The following PTPRM variants were observed in gnomAD, a reference collection of about 807,000 sequenced individuals.
PTPRM encodes the protein receptor-type tyrosine-protein phosphatase mu.
In PTPRM, 47 loss-of-function variants were observed where a neutral mutation model predicts 186.7. The observed-to-expected ratio is 0.25, with a 90% CI of 0.20 to 0.32. The LOEUF is 0.32. Ranked by LOEUF, PTPRM falls within the 10% of genes least tolerant of loss-of-function variation. PTPRM has a pLI of 1.00. For missense variants in PTPRM, 1,494 were observed against 1,865.0 expected (o/e 0.80, Z 3.66); for synonymous variants, 668 against 674.9 (o/e 0.99, Z 0.16).
intron 2 of PTPRM, among the ~76,000 whole-genome samples, chr18:7,828,731 C>G (rs1057456712): frequency 6.6e-6 from 1 of 152,180 alleles, no homozygotes; most frequent in Non-Finnish European, 1.5e-5. Context: ...AATGCAGAAG[C>G]AGTGTACTAG....
chr18:7,825,675 G>C (rs546663088), intron 2 of PTPRM, among the ~76,000 whole-genome samples: 6 of 152,054 alleles, frequency 3.9e-5, no homozygotes, highest in Non-Finnish European at 8.8e-5. Context: ...TACAAGCCCC[G>C]AGGCTCCCAT....
intron 23 of PTPRM, among the ~76,000 whole-genome samples, chr18:8,363,030 C>G (rs1021737173): frequency 1.3e-5 from 2 of 152,224 alleles, no homozygotes; most frequent in African/African-American, 4.8e-5. Context: ...TCCTTGCTCT[C>G]TGCATCCCCA....
intron 14 of PTPRM, among the ~76,000 whole-genome samples, chr18:8,173,860 G>A (rs932432683): frequency 2.0e-5 from 3 of 152,182 alleles, no homozygotes; most frequent in Admixed American, 2.0e-4. Flanking sequence ...CTTGAGGTCA[G>A]GAGTTCAAGA....
intron 2 of PTPRM, among the ~76,000 whole-genome samples, chr18:7,813,255 G>A (rs923640777): frequency 2.0e-5 from 3 of 152,194 alleles, no homozygotes; most frequent in African/African-American, 4.8e-5. Flanking sequence ...TTAGTGTGTT[G>A]TGATCTCAGT....
rs560155731 is a variant in PTPRM, at chr18:8,076,348, G to A, written c.1442-107G>A. On this transcript the variant is annotated intron_variant, in intron 8 of 32. Coordinates refer to ENST00000580170, the MANE Select transcript of PTPRM (RefSeq NM_001105244.2). ...TAAAGAAAAATTGAGTATATGTGTGGACTATTAAAATCTTTTCTCTCAATA... is the reference window on the plus strand; with the variant it reads ...TAAAGAAAAATTGAGTATATGTGTGAACTATTAAAATCTTTTCTCTCAATA... 2.1e-4 allele frequency: 143 copies of A among 675,902 alleles called. No homozygotes were observed. In the African/African-American group the frequency reaches 2.3e-3, roughly 11 times the overall value. 41.9% of individuals were successfully genotyped at this position (675,902 alleles called of 1,614,324 possible). A position where few individuals can be genotyped will look rare whatever the true frequency, so the allele number is the denominator to read the frequency against.
At chr18:7,839,171 C>T (rs572517756) in intron 2 of PTPRM, among the ~76,000 whole-genome samples, 1 of 152,290 alleles carries the variant, frequency 6.6e-6, no homozygotes, top group South Asian at 2.1e-4. Flanking sequence ...CCACTTGGTG[C>T]TCTACCCCAC....
intron 15 of PTPRM, 74 bp downstream of exon 15, chr18:8,244,283 TC>T: frequency 8.3e-6 from 8 of 962,212 alleles, no homozygotes; most frequent in South Asian, 4.6e-5. Flanking sequence ...CTAGGGGATT[TC>T]AAAAAAAAAA....
rs1168951298 is a variant in PTPRM, at chr18:8,114,776, CTTTA to C, written c.2131-11_2131-8del. ...AACATGAATAATGATTTTTCCCTCTCTTTATTTGACACAGGAAACCAAAATAGAC... is the reference window on the plus strand; with the variant it reads ...AACATGAATAATGATTTTTCCCTCTCTTTGACACAGGAAACCAAAATAGAC... On this transcript the variant is annotated splice_polypyrimidine_tract_variant and intron_variant, in intron 12 of 32. Transcript: ENST00000580170. 6.3e-7 allele frequency: 1 copy of C among 1,597,652 alleles called. No individual in the cohort carries two copies. Among genetic ancestry groups the C allele is most frequent in the Non-Finnish European group, 8.5e-7 (1 of 1,169,722 alleles).
chr18:8,070,015 T>C (rs369303293), intron 8 of PTPRM, 21 bp downstream of exon 8: 2 of 1,588,462 alleles, frequency 1.3e-6, no homozygotes, highest in African/African-American at 2.7e-5. Context: ...TTGAATGATA[T>C]GTTTGTGTAA....
intron 13 of PTPRM, among the ~76,000 whole-genome samples, chr18:8,140,529 T>G (rs2092741726): frequency 1.3e-5 from 2 of 151,536 alleles, no homozygotes; most frequent in South Asian, 2.1e-4. Flanking sequence ...ACCACTCTTT[T>G]TTATTTTCTT....
At chr18:8,077,740 G>T (rs1054898353) in intron 9 of PTPRM, among the ~76,000 whole-genome samples, 1 of 152,064 alleles carries the variant, frequency 6.6e-6, no homozygotes, top group Non-Finnish European at 1.5e-5. Context: ...TTTAAACTAG[G>T]AAACATGCAA....
At chr18:8,078,875 C>A (rs1462458908) in intron 9 of PTPRM, among the ~76,000 whole-genome samples, 1 of 152,134 alleles carries the variant, frequency 6.6e-6, no homozygotes, top group Non-Finnish European at 1.5e-5. Context: ...AGCAAGAATT[C>A]ACTCATCACC....
intron 1 of PTPRM, among the ~76,000 whole-genome samples, chr18:7,725,276 A>G (rs2040523988): frequency 6.6e-6 from 1 of 152,152 alleles, no homozygotes; most frequent in Non-Finnish European, 1.5e-5. Flanking sequence ...CACACATTGT[A>G]CAGTTCACTG....
At chr18:7,969,517 G>C (rs562748317) in intron 7 of PTPRM, among the ~76,000 whole-genome samples, 12 of 149,686 alleles carry the variant, frequency 8.0e-5, no homozygotes, top group East Asian at 7.8e-4. Context: ...ATGAATCCAG[G>C]AGCTTGTTTT....
At chr18:7,988,725 T>C (rs2083102007) in intron 7 of PTPRM, among the ~76,000 whole-genome samples, 1 of 152,226 alleles carries the variant, frequency 6.6e-6, no homozygotes, top group Admixed American at 6.5e-5. Context: ...TTCATGTTGG[T>C]AGCATATATT....
chr18:8,047,162 A>C (rs757478830), intron 7 of PTPRM, among the ~76,000 whole-genome samples: 1 of 152,228 alleles, frequency 6.6e-6, no homozygotes, highest in Non-Finnish European at 1.5e-5. Context: ...TCAACACGGT[A>C]AGAATCATGA....
intron 11 of PTPRM, among the ~76,000 whole-genome samples, chr18:8,109,124 T>C (rs550659991): frequency 6.6e-6 from 1 of 152,304 alleles, no homozygotes; most frequent in Admixed American, 6.5e-5. Flanking sequence ...ATTAGTGAAG[T>C]GATGTTACTT....
At chr18:8,206,268 A>ATTTTTTTTTTTTTTTTTTTT (rs1238112461) in intron 14 of PTPRM, among the ~76,000 whole-genome samples, 2 of 148,988 alleles carry the variant, frequency 1.3e-5, no homozygotes, top group African/African-American at 5.2e-5. Context: ...ATTTTATTTT[A>ATTTTTTTTTTTTTTTTTTTT]TTTTGAGACG....
chr18:7,936,122 A>C (rs2051789859), intron 5 of PTPRM, among the ~76,000 whole-genome samples: 1 of 152,196 alleles, frequency 6.6e-6, no homozygotes, highest in Admixed American at 6.5e-5. Context: ...AACTGGGAAC[A>C]GGTAGAAGCC....
Sources: gnomAD v4.1 joint callset for allele counts (sites outside exome capture counted in the v4.1 genomes callset) on GRCh38, gnomAD v4.1.1 for gene constraint, MANE v1.5 for transcripts, NCBI Gene and HGNC (gene_info 2026-07-23, HGNC 2026-07-21) for gene names.